Variants in VPS50 observed in about 807,000 individuals in gnomAD.
VPS50 encodes VPS50 subunit of EARP/GARPII complex.
In VPS50, 70 loss-of-function variants were observed where a neutral mutation model predicts 139.7. The observed-to-expected ratio is 0.50, with a 90% confidence interval of 0.41 to 0.61. The LOEUF (loss-of-function observed/expected upper bound fraction) is 0.61. VPS50 is among the 20% of genes least tolerant of loss of function. The pLI, the probability that VPS50 is intolerant of heterozygous loss-of-function variation, is 0.00. For synonymous variants in VPS50, 365 were observed against 376.7 expected, an observed-to-expected ratio of 0.97 and a Z score of 0.36; for missense variants, 921 against 1,133.7, an observed-to-expected ratio of 0.81 and a Z score of 2.69.
intron 3 of VPS50, among the ~76,000 whole-genome samples, chr7:93,253,411 G>GTAGTA (rs1795392722): frequency 6.6e-6 from 1 of 152,200 alleles, no homozygotes; most frequent in Non-Finnish European, 1.5e-5. Flanking sequence ...CTGTCACACA[G>GTAGTA]TAGTACTTAT....
rs1038286177 is a variant in VPS50 at position 93,347,511 on chromosome 7, A to G, written c.2208-1200A>G. Among the ~76,000 whole-genome samples, 2 of 106,628 alleles carry G rather than the reference A, an allele frequency of 1.9e-5. 1 individual carries two copies. Among genetic ancestry groups the G allele is most frequent in the African/African-American group, 1.0e-4 (2 of 19,050 alleles). 70.0% of individuals were successfully genotyped at this position (106,628 alleles called of 152,430 possible). A position where few individuals can be genotyped will look rare whatever the true frequency, so the allele number is the denominator to read the frequency against. On this transcript the variant is annotated intron_variant, in intron 23 of 27. Coordinates refer to ENST00000305866, the MANE Select transcript of VPS50 (RefSeq NM_017667.4). Reference sequence around the variant, plus strand: ...AAAGGACTATAAATCATGCTGCTATAAAGACACATGCACACGTATGTTTAT... The same window carrying G: ...AAAGGACTATAAATCATGCTGCTATGAAGACACATGCACACGTATGTTTAT...
rs1795555247 is a variant in VPS50, at chr7:93,258,354, C to T, written c.541-3C>T. 2 of 1,612,264 alleles carry T rather than the reference C, an allele frequency of 1.2e-6. No homozygotes were observed. Among genetic ancestry groups the T allele is most frequent in the Non-Finnish European group, 1.7e-6 (2 of 1,178,970 alleles). On this transcript the variant is annotated splice_region_variant and splice_polypyrimidine_tract_variant and intron_variant, in intron 7 of 27. Transcript: ENST00000305866. The stretch of plus-strand genomic sequence containing the variant: ...ATTTTACCTTTGATTTTTGTTTTTT[C>T]AGCAAAGAACAGATGTACGGTTAAG...
chr7:93,245,657 C>G (rs193241012), intron 2 of VPS50, among the ~76,000 whole-genome samples: 1 of 151,910 alleles, frequency 6.6e-6, no homozygotes, highest in Admixed American at 6.6e-5. Context: ...TTAAAATGTT[C>G]TATAAATCAT....
intron 27 of VPS50, among the ~76,000 whole-genome samples, chr7:93,356,382 G>C (rs1584503040): frequency 6.6e-6 from 1 of 152,094 alleles, no homozygotes. Context: ...ATAGGAAAAG[G>C]CTGAAGTTGA....
intron 16 of VPS50, among the ~76,000 whole-genome samples, chr7:93,301,297 GAAA>G (rs759682829): frequency 2.4e-5 from 3 of 123,860 alleles, no homozygotes; most frequent in Non-Finnish European, 1.7e-5. Flanking sequence ...ACTCTGTCTT[GAAA>G]AAAAAAAAAA....
At position 93,305,885 on chromosome 7, in the gene VPS50, G is replaced by T. The variant is rs1355621127; in HGVS notation, c.1510G>T (p.Val504Phe). ...SPSVSPSKQP[V>F]STSSKTVTLF... Reference sequence around the variant, plus strand: ...ATCAGTTTCACCTAGTAAACAGCCAGTCTCAACTTCTTCAAAAACAGTGAC... The same window carrying T: ...ATCAGTTTCACCTAGTAAACAGCCATTCTCAACTTCTTCAAAAACAGTGAC... The change falls in exon 18 of 28, where the codon GTC becomes TTC. Residue 504 changes from valine to phenylalanine, a missense_variant. By Grantham distance (50) the Val-to-Phe change is conservative. This residue lies in a region of VPS50 where 744 missense variants were observed against 930.6 expected (regional missense o/e 0.80). Transcript: ENST00000305866. 6.2e-7 allele frequency: 1 copy of T among 1,612,542 alleles called. No homozygotes were observed. The highest frequency in any genetic ancestry group is 1.1e-5 in the South Asian group (1 of 91,046).
At chr7:93,242,297 C>T (rs556591287) in intron 2 of VPS50, among the ~76,000 whole-genome samples, 2 of 151,346 alleles carry the variant, frequency 1.3e-5, no homozygotes, top group African/African-American at 2.4e-5. Context: ...AGGGGTAAGG[C>T]GATTACAGAT....
chr7:93,296,975 T>G, intron 15 of VPS50, 139 bp downstream of exon 15: 1 of 1,434,506 alleles, frequency 7.0e-7, no homozygotes, highest in East Asian at 2.7e-5. Flanking sequence ...TGTATTTAAA[T>G]ATTTCTGCCC....
intron 12 of VPS50, among the ~76,000 whole-genome samples, chr7:93,283,135 G>A (rs1227699495): frequency 2.0e-5 from 3 of 151,996 alleles, no homozygotes; most frequent in Non-Finnish European, 4.4e-5. Context: ...TTTCCTGGAT[G>A]CTGGTAGAAG....
intron 23 of VPS50, among the ~76,000 whole-genome samples, chr7:93,344,722 A>T (rs1383665923): frequency 6.6e-6 from 1 of 151,646 alleles, no homozygotes; most frequent in East Asian, 1.9e-4. Flanking sequence ...CTGCTCCTGA[A>T]TAACTACTGG....
Position 93,360,227 on chromosome 7 carries a change from A to G in VPS50, c.*1791A>G, listed in dbSNP as rs973239205. 10 of 152,102 alleles carry G rather than the reference A, an allele frequency of 6.6e-5. No homozygotes were observed. The highest frequency in any genetic ancestry group is 2.4e-4 in the African/African-American group (10 of 41,440). 9.4% of individuals were successfully genotyped at this position (152,102 alleles called of 1,614,324 possible). On this transcript the variant is annotated 3_prime_UTR_variant, in exon 28 of 28. Coordinates refer to ENST00000305866, the MANE Select transcript of VPS50 (RefSeq NM_017667.4). ...TTAGTTGGCCCTAGATAATATGAAC[A>G]GGAATCACCTGCCTGGTAGAGCCCA...
intron 12 of VPS50, among the ~76,000 whole-genome samples, chr7:93,277,709 AT>A (rs1796201738): frequency 6.6e-6 from 1 of 152,132 alleles, no homozygotes; most frequent in East Asian, 1.9e-4. Flanking sequence ...TGTTTTACAG[AT>A]TTTATGATTA....
chr7:93,324,470 CT>C (rs749431323), intron 21 of VPS50, among the ~76,000 whole-genome samples: 1 of 152,110 alleles, frequency 6.6e-6, no homozygotes, highest in Non-Finnish European at 1.5e-5. Context: ...CCGTGAATAC[CT>C]AATTTATTGA....
chr7:93,236,755 A>C (rs1794813276), intron 1 of VPS50, among the ~76,000 whole-genome samples: 1 of 152,260 alleles, frequency 6.6e-6, no homozygotes, highest in Non-Finnish European at 1.5e-5. Flanking sequence ...CTGTAATTCT[A>C]AAGTACAGTT....
intron 9 of VPS50, among the ~76,000 whole-genome samples, chr7:93,269,095 G>A (rs1795929448): frequency 6.6e-6 from 1 of 152,058 alleles, no homozygotes; most frequent in Non-Finnish European, 1.5e-5. Flanking sequence ...CTGAGGGAGA[G>A]AAGATACTGA....
At chr7:93,343,442 A>G (rs1346902727) in intron 23 of VPS50, among the ~76,000 whole-genome samples, 2 of 152,190 alleles carry the variant, frequency 1.3e-5, no homozygotes, top group African/African-American at 4.8e-5. Context: ...TCCCCAATCT[A>G]GCAAGGCAGG....
intron 16 of VPS50, among the ~76,000 whole-genome samples, chr7:93,298,618 TTC>T (rs1267801276): frequency 6.6e-5 from 10 of 152,222 alleles, no homozygotes; most frequent in Admixed American, 6.5e-4. Flanking sequence ...CCATTCTGCA[TTC>T]TGTTTTACTT....
In VPS50 at chr7:93,305,920, G is replaced by A. The variant is rs1439473048; in HGVS notation, c.1545G>A (p.Glu515=). The change falls in exon 18 of 28, where the codon GAG becomes GAA. Residue 515 remains glutamate, a synonymous_variant. Transcript: ENST00000305866. ...STSSKTVTLF[E]QYCSGGNPFE... ...CTTCAAAAACAGTGACCTTGTTTGAGCAGTACTGTAGTGGTGGGAATCCAT... is the reference window on the plus strand; with the variant it reads ...CTTCAAAAACAGTGACCTTGTTTGAACAGTACTGTAGTGGTGGGAATCCAT... 19 of 1,611,914 alleles carry A rather than the reference G, an allele frequency of 1.2e-5. No individual in the cohort carries two copies. Among genetic ancestry groups the A allele is most frequent in the Non-Finnish European group, 1.6e-5 (19 of 1,178,356 alleles).
At chr7:93,343,791 T>A (rs1798300369) in intron 23 of VPS50, among the ~76,000 whole-genome samples, 3 of 151,962 alleles carry the variant, frequency 2.0e-5, no homozygotes, top group South Asian at 2.1e-4. Flanking sequence ...AGAGATTTTG[T>A]CACCACCAGG....
Sources: allele counts gnomAD v4.1 joint callset (sites outside exome capture counted in the v4.1 genomes callset), GRCh38; gene constraint gnomAD v4.1.1; regional missense constraint gnomAD v4.1.1; transcripts MANE v1.5; gene names NCBI Gene and HGNC (gene_info 2026-07-23, HGNC 2026-07-21).